Variants in EFTUD2 observed in about 807,000 individuals in gnomAD.
EFTUD2 encodes the protein 116 kDa U5 small nuclear ribonucleoprotein component.
In EFTUD2, 9 loss-of-function variants were observed where a neutral mutation model predicts 114.3. The observed-to-expected ratio is 0.08, with a 90% confidence interval of 0.05 to 0.14. The LOEUF (loss-of-function observed/expected upper bound fraction) is 0.14. EFTUD2 is among the 10% of genes least tolerant of loss of function. EFTUD2 has a pLI of 1.00. For missense variants in EFTUD2, 765 were observed against 1,241.2 expected, an observed-to-expected ratio of 0.62 and a Z score of 5.76; for synonymous variants, 449 against 462.3, an observed-to-expected ratio of 0.97 and a Z score of 0.37.
At chr17:44,867,137 T>C (rs1567738517) in intron 13 of EFTUD2, among the ~76,000 whole-genome samples, 2 of 152,130 alleles carry the variant, frequency 1.3e-5, no homozygotes, top group Non-Finnish European at 2.9e-5. Flanking sequence ...CTTTGACTTA[T>C]ATGAATAAGC....
At position 44,850,276 on chromosome 17, in the gene EFTUD2, A is replaced by G. The variant is rs2050418541; in HGVS notation, c.*998T>C. ...TGAACCCCTAGGACGCCTGAGAGCC[A>G]GAGGACGGGTGAAGGGTTTGATGCC... On this transcript the variant is annotated 3_prime_UTR_variant, in exon 28 of 28. Transcript: ENST00000426333. 6.9e-7 allele frequency: 1 copy of G among 1,452,288 alleles called. No individual in the cohort carries two copies. Among genetic ancestry groups the G allele is most frequent in the Admixed American group, 1.9e-5 (1 of 53,046 alleles). 90.0% of individuals were successfully genotyped at this position (1,452,288 alleles called of 1,614,324 possible).
At chr17:44,878,793 T>G (rs940930687) in intron 9 of EFTUD2, among the ~76,000 whole-genome samples, 1 of 152,158 alleles carries the variant, frequency 6.6e-6, no homozygotes, top group Non-Finnish European at 1.5e-5. Context: ...GAAAAGTCAG[T>G]TTAAAAAAAG....
rs530402237 is a variant in EFTUD2, at chr17:44,889,164, G to A, written c.106-2414C>T. Among the ~76,000 whole-genome samples, 6 of 152,268 alleles carry A rather than the reference G, an allele frequency of 3.9e-5. No homozygotes were observed. In the East Asian group the frequency reaches 7.7e-4, roughly 20 times the overall value. ...GAGGGAATGATCGGCTGGGACAGAC[G>A]GATGCAGGCAGGTCATGTGGGCTGA... is the stretch of plus-strand genomic sequence containing the variant. On this transcript the variant is annotated intron_variant, in intron 2 of 27. Coordinates refer to ENST00000426333, the MANE Select transcript of EFTUD2 (RefSeq NM_004247.4).
chr17:44,857,530 T>C (rs1179068390), intron 19 of EFTUD2: 1 of 260,150 alleles, frequency 3.8e-6, no homozygotes. Flanking sequence ...TGCACCCATG[T>C]CATTCTCAAC....
Position 44,859,951 on chromosome 17 carries a change from T to A in EFTUD2, c.1814A>T (p.Asp605Val). The A allele has an allele frequency of 6.2e-7, 1 of 1,614,176 alleles. No homozygotes were observed. The highest frequency in any genetic ancestry group is 8.5e-7 in the Non-Finnish European group (1 of 1,180,038). Residue 605 changes from aspartate to valine, a missense_variant, in exon 18 of 28, where the codon GAT (aspartate) becomes GTT (valine). Around this residue, in one of 6 missense-constraint regions of EFTUD2, gnomAD observed 149 missense variants for 245.1 expected, o/e 0.61. Coordinates refer to ENST00000426333, the MANE Select transcript of EFTUD2 (RefSeq NM_004247.4). ...GCTCTTGTTGACCTTGCGCAGGCCA[T>A]CAAGCATCTTGGGCAGCTCTGAGGG... ...VNPSELPKML[D>V]GLRKVNKSYP...
At position 44,883,078 on chromosome 17, in the gene EFTUD2, A is replaced by C. The variant is rs764096191; in HGVS notation, c.492+15T>G. On this transcript the variant is annotated intron_variant, in intron 6 of 27. Transcript: ENST00000426333. ...GAATGGTTCATCCTAAACCCTCAAC[A>C]GAAGTTCTACTTACATCTTGGTCAT... 1.2e-6 allele frequency: 2 copies of C among 1,613,884 alleles called. No homozygotes were observed. The highest frequency in any genetic ancestry group is 1.7e-6 in the Non-Finnish European group (2 of 1,179,878).
intron 6 of EFTUD2, 38 bp downstream of exon 6, chr17:44,883,055 A>G (rs2051101445): frequency 6.2e-7 from 1 of 1,605,064 alleles, no homozygotes. Context: ...TCTGTTCTGA[A>G]TGGTTCATCC....
chr17:44,879,683 A>G, intron 8 of EFTUD2, 45 bp from the exon 9 acceptor site: 1 of 1,594,326 alleles, frequency 6.3e-7, no homozygotes, highest in Non-Finnish European at 8.6e-7. Flanking sequence ...TGCAGGATAA[A>G]GCACAATTAA....
intron 11 of EFTUD2, among the ~76,000 whole-genome samples, chr17:44,871,979 T>C (rs898477966): frequency 6.6e-6 from 1 of 152,160 alleles, no homozygotes; most frequent in African/African-American, 2.4e-5. Flanking sequence ...CAGGAACCCA[T>C]GATATCATGC....
rs1174366255 is a variant in EFTUD2, at chr17:44,880,216, G to A, written c.619+338C>T. 2.6e-5 allele frequency among the ~76,000 whole-genome samples: 4 copies of A among 152,298 alleles called. No homozygotes were observed. The South Asian group carries it at 8.3e-4, about 32-fold the overall frequency. Reference sequence around the variant, plus strand: ...GGATGTTCACCAGTCTCCTTCAAAAGACTGAGAGTACTCAAGGCCAGGGAC... The same window carrying A: ...GGATGTTCACCAGTCTCCTTCAAAAAACTGAGAGTACTCAAGGCCAGGGAC... On this transcript the variant is annotated intron_variant, in intron 8 of 27. Coordinates refer to ENST00000426333, the MANE Select transcript of EFTUD2 (RefSeq NM_004247.4).
At chr17:44,877,064 C>G (rs1022966029) in intron 9 of EFTUD2, among the ~76,000 whole-genome samples, 2 of 151,938 alleles carry the variant, frequency 1.3e-5, no homozygotes, top group Non-Finnish European at 2.9e-5. Context: ...GGCATGTTGG[C>G]ACATACCTGT....
chr17:44,888,101 A>T (rs960791763), intron 2 of EFTUD2, among the ~76,000 whole-genome samples: 2 of 152,210 alleles, frequency 1.3e-5, no homozygotes, highest in African/African-American at 4.8e-5. Context: ...CGGCTGGTGA[A>T]ACAGCGAATG....
rs1278748172 is a variant in EFTUD2, at chr17:44,865,029, G to C, written c.1186C>G (p.Leu396Val). Reference sequence around the variant, plus strand: ...GTCAGGTGGATGCCAAGCTCGTCTAGGGTCCGTGGGAGGCTGGTGTCCACG... The same window carrying C: ...GTCAGGTGGATGCCAAGCTCGTCTACGGTCCGTGGGAGGCTGGTGTCCACG... ...GDVDTSLPRT[L>V]DELGIHLTKE... The change falls in exon 14 of 28, where the codon CTA becomes GTA. Residue 396 changes from leucine to valine, a missense_variant. Around this residue, in one of 6 missense-constraint regions of EFTUD2, gnomAD observed 251 missense variants for 357.7 expected, o/e 0.70. Transcript: ENST00000426333. The C allele has an allele frequency of 6.2e-7, 1 of 1,614,186 alleles. No individual in the cohort carries two copies. Among genetic ancestry groups the C allele is most frequent in the Admixed American group, 1.7e-5 (1 of 60,018 alleles).
In EFTUD2 at chr17:44,897,236, AG is replaced by A. The variant is rs774485041; in HGVS notation, c.-5+2132del. Reference sequence around the variant, plus strand: ...GTCTCAAAAAAAAAAAAAAAAAAAAAGAATTTACCAGAGTCCTAGGCTCAAT... The same window carrying A: ...GTCTCAAAAAAAAAAAAAAAAAAAAAAATTTACCAGAGTCCTAGGCTCAAT... On this transcript the variant is annotated intron_variant, in intron 1 of 27. Transcript: ENST00000426333. Among the ~76,000 whole-genome samples the A allele has an allele frequency of 4.2e-3, 632 of 150,456 alleles. 1 individual carries two copies. The highest frequency in any genetic ancestry group is 0.015 in the African/African-American group (604 of 40,646).
chr17:44,862,743 G>A lies in EFTUD2; in HGVS notation c.1577C>T (p.Thr526Ile). The change falls in exon 16 of 28, where the codon ACC becomes ATC. Residue 526 changes from threonine (T) to isoleucine (I), a missense_variant. This residue lies in a region of EFTUD2 where 149 missense variants were observed against 245.1 expected (regional missense o/e 0.61). Coordinates refer to ENST00000426333, the MANE Select transcript of EFTUD2 (RefSeq NM_004247.4). ...CACAGAGATCCAAAGGCGGCCCACG[G>A]TGCATATCTGGGAGTCTTCCTCATC... ...LEDEEDSQIC[T>I]VGRLWISVAR... The A allele has an allele frequency of 6.2e-7, 1 of 1,614,110 alleles. No homozygotes were observed. Among genetic ancestry groups the A allele is most frequent in the Non-Finnish European group, 8.5e-7 (1 of 1,179,988 alleles).
chr17:44,856,570 G>A (rs2145445504), intron 20 of EFTUD2, among the ~76,000 whole-genome samples: 2 of 152,068 alleles, frequency 1.3e-5, no homozygotes, highest in South Asian at 4.2e-4. Flanking sequence ...GGGCATGGTG[G>A]CTCACACCTG....
chr17:44,862,963 C>T, intron 15 of EFTUD2, 57 bp from the exon 16 acceptor site: 1 of 1,433,866 alleles, frequency 7.0e-7, no homozygotes, highest in Non-Finnish European at 9.7e-7. Flanking sequence ...GGAAGTACTA[C>T]TCCCCGCCAT....
Position 44,879,544 on chromosome 17 carries a change from A to G in EFTUD2, c.702+12T>C. On this transcript the variant is annotated intron_variant, in intron 9 of 27. Transcript: ENST00000426333. ...CAGGTGGATGAGATTCTGGGAGCTG[A>G]GTCTGACTCACCCCCTCAGCAGCAT... The G allele has an allele frequency of 6.2e-7, 1 of 1,613,888 alleles. No homozygotes were observed. The highest frequency in any genetic ancestry group is 8.5e-7 in the Non-Finnish European group (1 of 1,179,882).
intron 19 of EFTUD2, chr17:44,857,493 C>A (rs753405900): frequency 5.9e-5 from 18 of 302,670 alleles, no homozygotes; most frequent in Admixed American, 1.7e-4. Context: ...ATGGGTCTGA[C>A]AGAGCTGGTG....
Sources: gnomAD v4.1 joint callset for allele counts (sites outside exome capture counted in the v4.1 genomes callset) on GRCh38, gnomAD v4.1.1 for gene constraint, gnomAD v4.1.1 regional missense constraint, MANE v1.5 for transcripts, NCBI Gene and HGNC (gene_info 2026-07-23, HGNC 2026-07-21) for gene names.